The following DNAH1 variants were observed in gnomAD, a reference collection of about 807,000 sequenced individuals.
DNAH1 encodes axonemal beta dynein heavy chain 1.
In DNAH1, 327 loss-of-function variants were observed where a neutral mutation model predicts 484.3. That is an observed-to-expected ratio of 0.68 (90% CI 0.62 to 0.74). The LOEUF is 0.74. DNAH1 is among the 30% of genes least tolerant of loss of function. The pLI, the probability that DNAH1 is intolerant of heterozygous loss-of-function variation, is 0.00. For missense variants in DNAH1, 5,052 were observed against 5,546.8 expected (o/e 0.91, Z 2.83); for synonymous variants, 2,192 against 2,191.9 (o/e 1.00, Z 0.00).
intron 39 of DNAH1, 97 bp downstream of exon 39, chr3:52,370,326 A>C (rs894740244): frequency 1.3e-6 from 2 of 1,538,390 alleles, no homozygotes; most frequent in African/African-American, 2.7e-5. Flanking sequence ...GGATTGGTGC[A>C]ACATGGTGCA....
Position 52,352,095 on chromosome 3 carries a change from G to A in DNAH1, c.2863G>A (p.Gly955Arg), listed in dbSNP as rs1702408830. The A allele has an allele frequency of 6.3e-7, 1 of 1,577,530 alleles. No individual in the cohort carries two copies. The highest frequency in any genetic ancestry group is 1.8e-5 in the Admixed American group (1 of 54,728). The change falls in exon 17 of 78, where the codon GGG becomes AGG. Residue 955 changes from glycine to arginine, a missense_variant. This residue lies in a region of DNAH1 where 1,263 missense variants were observed against 1,218.8 expected (regional missense o/e 1.04). Coordinates refer to ENST00000420323, the MANE Select transcript of DNAH1 (RefSeq NM_015512.5). ...GAACAACTTCCAAGAGAAGCTGGAA[G>A]GGCTGCAGGTGGGGCACAGCTGCAG... ...DQNNFQEKLE[G>R]LQLVVAGFSI...
In DNAH1 at chr3:52,360,409, C is replaced by A. The variant is rs371364322; in HGVS notation, c.4670C>A (p.Thr1557Lys). ...GGCAACAGTGGGAGGCTGGTGATCA[C>A]GCCCCTCACCGACAGGTAAGCGTTC... is the stretch of plus-strand genomic sequence containing the variant. ...YLGNSGRLVI[T>K]PLTDRCYLTL... is the part of the protein sequence containing the mutation. The change falls in exon 28 of 78, where the codon ACG (threonine) becomes AAG (lysine). Residue 1557 changes from threonine (T) to lysine (K), a missense_variant. This residue lies in a region of DNAH1 where 2,929 missense variants were observed against 3,409.4 expected (regional missense o/e 0.86). Coordinates refer to ENST00000420323, the MANE Select transcript of DNAH1 (RefSeq NM_015512.5). 1.9e-6 allele frequency: 3 copies of A among 1,613,632 alleles called. No individual in the cohort carries two copies. Among genetic ancestry groups the A allele is most frequent in the Non-Finnish European group, 2.5e-6 (3 of 1,179,632 alleles).
rs2153224070 is a variant in DNAH1 at position 52,353,531 on chromosome 3, C to A, written c.3378C>A (p.Ala1126=). The change falls in exon 20 of 78, where the codon GCC becomes GCA. Residue 1126 remains alanine (A), a synonymous_variant. Transcript: ENST00000420323. The surrounding 1 kb of genome is among the most constrained non-coding windows in gnomAD (Gnocchi z 5.0). ...NQININVRPK[A]NLTFARCLEM... ...TCAACATCAATGTCAGGCCCAAGGC[C>A]AACCTGACCTTTGCTCGCTGCCTGG... 2 of 1,613,896 alleles carry A rather than the reference C, an allele frequency of 1.2e-6. No homozygotes were observed. The highest frequency in any genetic ancestry group is 1.6e-4 in the Middle Eastern group (1 of 6,062).
chr3:52,372,338 A>G lies in DNAH1; in HGVS notation c.6778A>G (p.Thr2260Ala). The change falls in exon 43 of 78, where the codon ACT becomes GCT. Residue 2260 changes from threonine (T) to alanine (A), a missense_variant. Physicochemically the swap from Thr to Ala is moderately conservative, Grantham distance 58. Coordinates refer to ENST00000420323, the MANE Select transcript of DNAH1 (RefSeq NM_015512.5). ...ISHFLTFSAR[T>A]SANQTQDFID... ...CCACTTCCTCACCTTCTCAGCCCGC[A>G]CTTCAGCCAACCAGACCCAGGACTT... The G allele has an allele frequency of 6.2e-7, 1 of 1,613,916 alleles. No homozygotes were observed. The highest frequency in any genetic ancestry group is 1.1e-5 in the South Asian group (1 of 91,080).
rs1704527910 is a variant in DNAH1, at chr3:52,394,446, T to G, written c.10627-19T>G. The G allele has an allele frequency of 3.7e-6, 6 of 1,613,292 alleles. No homozygotes were observed. Among genetic ancestry groups the G allele is most frequent in the Non-Finnish European group, 4.2e-6 (5 of 1,179,556 alleles). On this transcript the variant is annotated intron_variant, in intron 66 of 77. Coordinates refer to ENST00000420323, the MANE Select transcript of DNAH1 (RefSeq NM_015512.5). ...GCTGGCCAGGGCCTGGGCATCAGCCTCCTCCTGTCCCCTGCCAGAGTGAGT... is the reference window on the plus strand; with the variant it reads ...GCTGGCCAGGGCCTGGGCATCAGCCGCCTCCTGTCCCCTGCCAGAGTGAGT...
intron 7 of DNAH1, among the ~76,000 whole-genome samples, 163 bp from the exon 8 acceptor site, chr3:52,331,979 G>A (rs1178831700): frequency 6.6e-6 from 1 of 152,196 alleles, no homozygotes; most frequent in Non-Finnish European, 1.5e-5. Context: ...GGGCCGGGCA[G>A]GAAGTGTCGT....
At chr3:52,334,894 G>A (rs1701682120) in intron 8 of DNAH1, among the ~76,000 whole-genome samples, 1 of 149,472 alleles carries the variant, frequency 6.7e-6, no homozygotes, top group Non-Finnish European at 1.5e-5. Context: ...TGTCGCCCAC[G>A]CTGGAGTGCA....
chr3:52,325,769 GGGA>G (rs1701314950), intron 3 of DNAH1, among the ~76,000 whole-genome samples: 1 of 152,186 alleles, frequency 6.6e-6, no homozygotes, highest in Non-Finnish European at 1.5e-5. Context: ...CAGTAGGGGT[GGGA>G]GGAGACCATC....
intron 1 of DNAH1, chr3:52,321,668 C>G (rs1222434345): frequency 1.3e-5 from 2 of 152,238 alleles, no homozygotes; most frequent in Non-Finnish European, 2.9e-5. Context: ...TGCATGCACC[C>G]TGGCGGCATC....
At position 52,361,065 on chromosome 3, in the gene DNAH1, G is replaced by A. The variant is rs1702836093; in HGVS notation, c.4686-99G>A. The A allele has an allele frequency of 8.2e-7, 1 of 1,213,806 alleles. No individual in the cohort carries two copies. Among genetic ancestry groups the A allele is most frequent in the African/African-American group, 1.6e-5 (1 of 63,566 alleles). The allele number at this position is 1,213,806 out of a possible 1,614,324, so 75.2% of individuals were successfully genotyped here. A position where few individuals can be genotyped will look rare whatever the true frequency, so the allele number is the denominator to read the frequency against. On this transcript the variant is annotated intron_variant, in intron 28 of 77. Coordinates refer to ENST00000420323, the MANE Select transcript of DNAH1 (RefSeq NM_015512.5). This position sits in a 1 kb window ranked among gnomAD's most constrained non-coding sequence, Gnocchi z 5.6. Reference sequence around the variant, plus strand: ...CTGGGCACACCCCAGCCCACCAAAAGGGGACGGGGCGAGAGGCCCCAGTCC... The same window carrying A: ...CTGGGCACACCCCAGCCCACCAAAAAGGGACGGGGCGAGAGGCCCCAGTCC...
At position 52,355,521 on chromosome 3, in the gene DNAH1, G is replaced by A. The variant is rs1702574863; in HGVS notation, c.3693+466G>A. ...TGAGGGGACTGGGCCACCAGGGACT[G>A]CACTTGTCTTGGGCTCTCAAGGCTA... On this transcript the variant is annotated intron_variant, in intron 21 of 77. Transcript: ENST00000420323. This position sits in a 1 kb window ranked among gnomAD's most constrained non-coding sequence, Gnocchi z 4.5. Among the ~76,000 whole-genome samples, 1 of 152,248 alleles carries A rather than the reference G, an allele frequency of 6.6e-6. No homozygotes were observed. Among genetic ancestry groups the A allele is most frequent in the South Asian group, 2.1e-4 (1 of 4,836 alleles).
intron 4 of DNAH1, 131 bp from the exon 5 acceptor site, chr3:52,326,604 G>C: frequency 8.6e-7 from 1 of 1,167,020 alleles, no homozygotes; most frequent in Non-Finnish European, 1.2e-6. Context: ...AGTCTCAGAG[G>C]GGTGGAGGGC....
At chr3:52,336,398 A>T (rs960808978) in intron 8 of DNAH1, among the ~76,000 whole-genome samples, 3 of 152,072 alleles carry the variant, frequency 2.0e-5, no homozygotes, top group Admixed American at 2.0e-4. Context: ...CAAAGAACAT[A>T]AAAAAATTAG....
intron 34 of DNAH1, 86 bp from the exon 35 acceptor site, chr3:52,366,371 G>T (rs1703072286): frequency 2.8e-6 from 3 of 1,073,110 alleles, no homozygotes; most frequent in Admixed American, 2.2e-5. Context: ...GGAGTGCAGT[G>T]ACTCACCCAA....
chr3:52,323,918 AG>A (rs1701244280), intron 3 of DNAH1, 38 bp downstream of exon 3: 1 of 1,502,808 alleles, frequency 6.7e-7, no homozygotes, highest in Non-Finnish European at 9.1e-7. Context: ...GGGTCCCGGT[AG>A]GTATTTCAAA....
chr3:52,357,506 C>A (rs1702661134), intron 22 of DNAH1, 108 bp from the exon 23 acceptor site: 2 of 1,403,250 alleles, frequency 1.4e-6, no homozygotes, highest in Non-Finnish European at 9.6e-7. Context: ...TCTTCTTTCC[C>A]AGGCCCCGCT....
upstream of DNAH1, among the ~76,000 whole-genome samples, chr3:52,315,416 C>G (rs1233428996): frequency 6.6e-6 from 1 of 152,240 alleles, no homozygotes; most frequent in Admixed American, 6.5e-5. Flanking sequence ...GCTCCCATCT[C>G]AGCCAGCAAG....
At chr3:52,371,804 C>T (rs537235365) in intron 41 of DNAH1, 142 bp from the exon 42 acceptor site, 28 of 1,238,368 alleles carry the variant, frequency 2.3e-5, no homozygotes, top group East Asian at 9.4e-5. Context: ...CCATTTCCGC[C>T]GGAAGCAGCC....
chr3:52,378,860 C>G (rs1703719659), intron 47 of DNAH1, 80 bp downstream of exon 47: 1 of 1,565,378 alleles, frequency 6.4e-7, no homozygotes, highest in Non-Finnish European at 8.7e-7. Context: ...TCAGGCCTTC[C>G]TGCCCAAACA....
Sources: gnomAD v4.1 joint callset for allele counts (sites outside exome capture counted in the v4.1 genomes callset) on GRCh38, gnomAD v4.1.1 for gene constraint, gnomAD v4.1.1 regional missense constraint, Gnocchi (gnomAD v3.1) non-coding constraint, MANE v1.5 for transcripts, NCBI Gene and HGNC (gene_info 2026-07-23, HGNC 2026-07-21) for gene names.